SFMBT1: variants seen among roughly 807,000 people sequenced by gnomAD.
The protein encoded by SFMBT1 is scm-like with four MBT domains protein 1.
SFMBT1 carries 32 observed loss-of-function variants against 108.7 expected under a neutral mutation model. The observed-to-expected ratio is 0.29, with a 90% confidence interval of 0.22 to 0.40. The LOEUF is 0.40. SFMBT1 is among the 10% of genes least tolerant of loss of function. The pLI, the probability that SFMBT1 is intolerant of heterozygous loss-of-function variation, is 1.00. For missense variants in SFMBT1, 816 were observed against 1,059.6 expected (o/e 0.77, Z 3.19); for synonymous variants, 348 against 369.5 (o/e 0.94, Z 0.67).
intron 1 of SFMBT1, among the ~76,000 whole-genome samples, chr3:52,970,391 A>G (rs1704296089): frequency 1.3e-5 from 2 of 152,220 alleles, no homozygotes; most frequent in Non-Finnish European, 2.9e-5. Flanking sequence ...CTTTCATATA[A>G]CCTTGGTTTT....
Position 52,949,568 on chromosome 3 carries a change from CTTTTTTTTT to C in SFMBT1, c.123+4740_123+4748del, listed in dbSNP as rs59842273. Reference sequence around the variant, plus strand: ...CCCTTTATTATTATGTAATGTCCTTCTTTTTTTTTTTTTTTTTTTTTTTTTTTGAGACCG... The same window carrying C: ...CCCTTTATTATTATGTAATGTCCTTCTTTTTTTTTTTTTTTTTTGAGACCG... On this transcript the variant is annotated intron_variant, in intron 3 of 20. Coordinates refer to ENST00000394752, the MANE Select transcript of SFMBT1 (RefSeq NM_016329.4). Among the ~76,000 whole-genome samples, 20 of 77,412 alleles carry C rather than the reference CTTTTTTTTT, an allele frequency of 2.6e-4. No homozygotes were observed. The Middle Eastern group carries it at 0.022, about 84-fold the overall frequency. The allele number at this position is 77,412 out of a possible 152,430, so 50.8% of individuals were successfully genotyped here.
rs1478113084 is a variant in SFMBT1 at position 53,029,564 on chromosome 3, C to T, written c.-131+16252G>A. Among the ~76,000 whole-genome samples, 3 of 152,284 alleles carry T rather than the reference C, an allele frequency of 2.0e-5. No homozygotes were observed. In the East Asian group the frequency reaches 5.8e-4, roughly 29 times the overall value. On this transcript the variant is annotated intron_variant, in intron 1 of 20. Transcript: ENST00000394752. ...ATTTCTGCCAATGTACAAAAGAATA[C>T]CACCCAAATACAGAAATTGATACAA... is the stretch of plus-strand genomic sequence containing the variant.
At chr3:52,913,385 T>C (rs1702261915) in intron 15 of SFMBT1, 93 bp downstream of exon 15, 1 of 1,451,632 alleles carries the variant, frequency 6.9e-7, no homozygotes, top group African/African-American at 1.4e-5. Flanking sequence ...AACCTAGAAC[T>C]GTCACATCTA....
chr3:52,991,010 C>T (rs1705104227), intron 1 of SFMBT1, among the ~76,000 whole-genome samples: 1 of 152,190 alleles, frequency 6.6e-6, no homozygotes, highest in Admixed American at 6.5e-5. Context: ...ACATTACTGT[C>T]TCATTTGCAA....
At chr3:52,953,345 T>TA (rs1703657172) in intron 3 of SFMBT1, among the ~76,000 whole-genome samples, 1 of 151,730 alleles carries the variant, frequency 6.6e-6, no homozygotes, top group Non-Finnish European at 1.5e-5. Context: ...CCCAGTTACT[T>TA]AAGAGGCTGA....
At chr3:53,016,873 A>C (rs1270934193) in intron 1 of SFMBT1, among the ~76,000 whole-genome samples, 1 of 152,182 alleles carries the variant, frequency 6.6e-6, no homozygotes, top group Non-Finnish European at 1.5e-5. Flanking sequence ...AACCACAAAG[A>C]TCTTCGCTTA....
chr3:52,907,457 G>C, intron 18 of SFMBT1, 98 bp downstream of exon 18: 1 of 1,522,202 alleles, frequency 6.6e-7, no homozygotes, highest in Non-Finnish European at 8.8e-7. Flanking sequence ...ATTGGCCAGA[G>C]ATCTGAGTTA....
intron 5 of SFMBT1, among the ~76,000 whole-genome samples, chr3:52,932,805 A>G (rs34493168): frequency 0.094 from 14,352 of 152,124 alleles, 699 homozygotes; most frequent in African/African-American, 0.11. Flanking sequence ...CAGCTACTTG[A>G]GAGGCTGAGG....
chr3:53,044,838 G>A (rs1303277676), intron 1 of SFMBT1: 1 of 152,582 alleles, frequency 6.6e-6, no homozygotes, highest in Non-Finnish European at 1.5e-5. Flanking sequence ...TGACCCAAGC[G>A]TCCACCACTC....
chr3:52,938,446 G>A (rs1400235909), intron 4 of SFMBT1, among the ~76,000 whole-genome samples: 4 of 151,676 alleles, frequency 2.6e-5, no homozygotes, highest in Non-Finnish European at 4.4e-5. Context: ...TTTGTTCTAC[G>A]GATTACCTTT....
At chr3:53,004,540 G>A (rs1009255282) in intron 1 of SFMBT1, among the ~76,000 whole-genome samples, 5 of 149,926 alleles carry the variant, frequency 3.3e-5, no homozygotes, top group Admixed American at 6.7e-5. Flanking sequence ...CCAGAGTGCT[G>A]GGATTACAGG....
intron 2 of SFMBT1, among the ~76,000 whole-genome samples, chr3:52,962,704 A>G (rs1391679860): frequency 1.3e-5 from 2 of 150,730 alleles, no homozygotes; most frequent in Non-Finnish European, 3.0e-5. Flanking sequence ...GCTACTCAGG[A>G]GGCTAAGGCA....
At chr3:53,008,633 T>G (rs966657386) in intron 1 of SFMBT1, among the ~76,000 whole-genome samples, 1 of 113,562 alleles carries the variant, frequency 8.8e-6, no homozygotes, top group Non-Finnish European at 1.6e-5. Context: ...CTAGGTAGAC[T>G]TTTTTTTTTT....
chr3:52,963,610 G>A (rs1482437206), intron 2 of SFMBT1, among the ~76,000 whole-genome samples: 1 of 151,722 alleles, frequency 6.6e-6, no homozygotes, highest in African/African-American at 2.4e-5. Context: ...CACTGCACCT[G>A]GCTAATTTTT....
chr3:53,040,564 C>T (rs1003957099), intron 1 of SFMBT1, among the ~76,000 whole-genome samples: 6 of 151,790 alleles, frequency 4.0e-5, no homozygotes, highest in African/African-American at 7.3e-5. Context: ...TAATAATTAA[C>T]CTTTCTCTAG....
At chr3:53,028,743 A>G (rs1416093273) in intron 1 of SFMBT1, among the ~76,000 whole-genome samples, 3 of 152,176 alleles carry the variant, frequency 2.0e-5, no homozygotes, top group Non-Finnish European at 4.4e-5. Context: ...GCCATAGCAG[A>G]GCAAACACAA....
Position 52,928,320 on chromosome 3 carries a change from G to C in SFMBT1, c.919C>G (p.Leu307Val). 1.2e-6 allele frequency: 2 copies of C among 1,613,868 alleles called. No homozygotes were observed. The highest frequency in any genetic ancestry group is 1.7e-6 in the Non-Finnish European group (2 of 1,179,990). The change falls in exon 9 of 21, where the codon CTG becomes GTG. Residue 307 changes from leucine to valine, a missense_variant. Coordinates refer to ENST00000394752, the MANE Select transcript of SFMBT1 (RefSeq NM_016329.4). ...GGACGCAAGTCATCCATTTCCACCA[G>C]AAAGTACTTCTCATCAAAAACCTAT... ...VVKVFDEKYF[L>V]VEMDDLRPEN...
intron 9 of SFMBT1, among the ~76,000 whole-genome samples, chr3:52,927,113 A>T (rs1702681926): frequency 6.6e-6 from 1 of 152,200 alleles, no homozygotes; most frequent in South Asian, 2.1e-4. Flanking sequence ...AACTTGGGAT[A>T]TCTAGAGCGT....
rs1285172186 is a variant in SFMBT1, at chr3:52,918,471, T to C, written c.1415+13A>G. ...TCTAACTTGTAAACTGTTCATATTA[T>C]TACGTTACTTACTGTTTTTCTGGCT... On this transcript the variant is annotated intron_variant, in intron 13 of 20. Coordinates refer to ENST00000394752, the MANE Select transcript of SFMBT1 (RefSeq NM_016329.4). The C allele has an allele frequency of 6.4e-7, 1 of 1,561,602 alleles. No homozygotes were observed. The highest frequency in any genetic ancestry group is 8.6e-7 in the Non-Finnish European group (1 of 1,158,820).
Sources: gnomAD v4.1 joint callset for allele counts (sites outside exome capture counted in the v4.1 genomes callset) on GRCh38, gnomAD v4.1.1 for gene constraint, MANE v1.5 for transcripts, NCBI Gene and HGNC (gene_info 2026-07-23, HGNC 2026-07-21) for gene names.